Variants in HSD17B2 observed in about 807,000 individuals in gnomAD.
The protein encoded by HSD17B2 is hydroxysteroid 17-beta dehydrogenase 2, also known as 17-beta-hydroxysteroid dehydrogenase type 2.
A neutral mutation model predicts 26.9 loss-of-function variants in HSD17B2; 32 were observed. The ratio of observed to expected loss-of-function variants is 1.19; its 90% CI spans 0.90 to 1.60. The LOEUF is 1.60. HSD17B2 is among the 40% of genes most tolerant of loss of function. The pLI, the probability that HSD17B2 is intolerant of heterozygous loss-of-function variation, is 0.00. For missense variants in HSD17B2, 613 were observed against 468.6 expected (o/e 1.31, Z -2.85); for synonymous variants, 246 against 186.7 (o/e 1.32, Z -2.59).
At chr16:82,093,115 C>T (rs1392895949) in intron 4 of HSD17B2, 1 of 152,112 alleles carries the variant, frequency 6.6e-6, no homozygotes, top group African/African-American at 2.4e-5. Context: ...GCATTATACG[C>T]ACAGGGTTCA....
rs536903751 is a variant in HSD17B2 at position 82,066,216 on chromosome 16, G to A, written c.266-1954G>A. Among the ~76,000 whole-genome samples the A allele has an allele frequency of 2.0e-4, 31 of 152,332 alleles. 1 individual carries two copies. In the Middle Eastern group the frequency reaches 0.014, roughly 67 times the overall value. ...TTGGTACCATCTCCTCCTCTGGCCA[G>A]CCCCAGGGAGGAAACCACTTACACT... On this transcript the variant is annotated intron_variant, in intron 1 of 4. Transcript: ENST00000199936.
At chr16:82,077,729 T>C (rs1398401325) in intron 3 of HSD17B2, among the ~76,000 whole-genome samples, 2 of 144,938 alleles carry the variant, frequency 1.4e-5, no homozygotes, top group African/African-American at 5.1e-5. Context: ...AGACCCTGTT[T>C]CAAAAGAAAG....
At chr16:82,073,903 A>G (rs552704424) in intron 3 of HSD17B2, among the ~76,000 whole-genome samples, 1 of 152,340 alleles carries the variant, frequency 6.6e-6, no homozygotes, top group East Asian at 1.9e-4. Flanking sequence ...AGGCACCACT[A>G]ATCAAAAAGA....
rs565023060 is a variant in HSD17B2, at chr16:82,068,300, C to G, written c.396C>G (p.Leu132=). 9 of 1,614,154 alleles carry G rather than the reference C, an allele frequency of 5.6e-6. No homozygotes were observed. The Admixed American group carries it at 1.0e-4, about 18-fold the overall frequency. ...EELRRTCSPR[L]SVLQMDITKP... is the part of the protein sequence containing the mutation. ...TGCGAAGAACCTGCTCTCCGCGCCT[C>G]TCGGTGCTCCAAATGGACATCACGA... Residue 132 remains leucine (L), a synonymous_variant, in exon 2 of 5, where the codon CTC becomes CTG. Transcript: ENST00000199936.
intron 1 of HSD17B2, among the ~76,000 whole-genome samples, chr16:82,047,621 C>A (rs1292902325): frequency 6.6e-6 from 1 of 152,070 alleles, no homozygotes; most frequent in African/African-American, 2.4e-5. Flanking sequence ...GGGGTAGAGG[C>A]CATGAGTTGG....
intron 3 of HSD17B2, among the ~76,000 whole-genome samples, chr16:82,080,641 T>C (rs911033409): frequency 2.6e-5 from 4 of 152,230 alleles, no homozygotes; most frequent in African/African-American, 4.8e-5. Context: ...GGGAAAATAA[T>C]GTGTCTGGTT....
At chr16:82,097,228 GT>G (rs1413814634) in intron 4 of HSD17B2, 2 of 147,144 alleles carry the variant, frequency 1.4e-5, no homozygotes, top group Non-Finnish European at 3.0e-5. Context: ...CTATGTCTAT[GT>G]CTATGTCTAT....
intron 1 of HSD17B2, among the ~76,000 whole-genome samples, chr16:82,059,612 G>A (rs1567583472): frequency 6.6e-6 from 1 of 152,166 alleles, no homozygotes; most frequent in African/African-American, 2.4e-5. Flanking sequence ...TTTGTCTTCT[G>A]TGGGTGGGTG....
rs73603102 is a variant in HSD17B2 at position 82,081,704 on chromosome 16, G to C, written c.665-9198G>C. On this transcript the variant is annotated intron_variant, in intron 3 of 4. Coordinates refer to ENST00000199936, the MANE Select transcript of HSD17B2 (RefSeq NM_002153.3). ...GTAGTATGTCTTCCCTGAAGGTTAT[G>C]AGTTATTACTATTTTTATTAATGGA... 2.8e-3 allele frequency among the ~76,000 whole-genome samples: 431 copies of C among 152,294 alleles called. 1 individual carries two copies. The highest frequency in any genetic ancestry group is 0.01 in the African/African-American group (417 of 41,568).
chr16:82,090,421 C>G (rs550886198), intron 3 of HSD17B2, among the ~76,000 whole-genome samples: 1 of 140,100 alleles, frequency 7.1e-6, no homozygotes, highest in East Asian at 2.2e-4. Flanking sequence ...GGGGTCCAAG[C>G]GATTCTTACG....
chr16:82,069,978 A>C (rs1307938662), intron 2 of HSD17B2, among the ~76,000 whole-genome samples: 2 of 152,178 alleles, frequency 1.3e-5, no homozygotes, highest in African/African-American at 4.8e-5. Flanking sequence ...TGTGATGCTA[A>C]TGTTAGCGCA....
chr16:82,065,983 T>G lies in HSD17B2; in HGVS notation c.266-2187T>G, dbSNP rs143872596. On this transcript the variant is annotated intron_variant, in intron 1 of 4. Transcript: ENST00000199936. ...GAGCACACACAGCACTGGTCTGCAG[T>G]CTGGTGAACTTGCCAGTGTCCAGCA... Among the ~76,000 whole-genome samples the G allele has an allele frequency of 1.6e-3, 244 of 152,336 alleles. 2 individuals carry two copies. The highest frequency in any genetic ancestry group is 5.2e-3 in the African/African-American group (216 of 41,582).
At chr16:82,059,235 C>A (rs1258784643) in intron 1 of HSD17B2, among the ~76,000 whole-genome samples, 1 of 152,218 alleles carries the variant, frequency 6.6e-6, no homozygotes, top group Non-Finnish European at 1.5e-5. Flanking sequence ...CAGGGTTTCT[C>A]AGCCTTGGCA....
intron 1 of HSD17B2, among the ~76,000 whole-genome samples, chr16:82,036,523 C>G (rs8191058): frequency 0.034 from 5,232 of 152,048 alleles, 306 homozygotes; most frequent in African/African-American, 0.12. Flanking sequence ...GCTGTGGAAT[C>G]ATTTGGGGGA....
At chr16:82,097,208 ATGTCTATGTCTATGTCTATGTC>A (rs1904866027) in intron 4 of HSD17B2, 2 of 7,658 alleles carry the variant, frequency 2.6e-4, no homozygotes, top group Non-Finnish European at 5.9e-4. Context: ...TTCTGTGTAT[ATGTCTATGTCTATGTCTATGTC>A]TATGTCTATG....
intron 3 of HSD17B2, among the ~76,000 whole-genome samples, chr16:82,073,795 C>G (rs570112492): frequency 6.6e-6 from 1 of 152,086 alleles, no homozygotes; most frequent in Non-Finnish European, 1.5e-5. Context: ...TTTATAGATT[C>G]GATGCTATTC....
Position 82,093,848 on chromosome 16 carries a change from A to C in HSD17B2, c.802+2809A>C, listed in dbSNP as rs1037559227. Reference sequence around the variant, plus strand: ...ATTCTAGACAAGGAGTGGATTATTCATGAGTTTTCTGGGAAAGTGGGAGGG... The same window carrying C: ...ATTCTAGACAAGGAGTGGATTATTCCTGAGTTTTCTGGGAAAGTGGGAGGG... On this transcript the variant is annotated intron_variant, in intron 4 of 4. Transcript: ENST00000199936. The C allele has an allele frequency of 3.3e-5, 5 of 152,244 alleles. No homozygotes were observed. The South Asian group carries it at 8.3e-4, about 25-fold the overall frequency. 9.4% of individuals were successfully genotyped at this position (152,244 alleles called of 1,614,324 possible).
intron 1 of HSD17B2, among the ~76,000 whole-genome samples, chr16:82,054,236 A>G (rs1914197784): frequency 6.6e-6 from 1 of 152,140 alleles, no homozygotes; most frequent in African/African-American, 2.4e-5. Context: ...AAAAAAAGAA[A>G]GAAAAGCCAT....
intron 1 of HSD17B2, among the ~76,000 whole-genome samples, chr16:82,041,004 T>TTTTACC (rs1312274759): frequency 2.0e-5 from 3 of 152,020 alleles, no homozygotes; most frequent in African/African-American, 7.3e-5. Context: ...GCGGTTTAAG[T>TTTTACC]TTTACCTTTA....
Sources: allele counts gnomAD v4.1 joint callset (sites outside exome capture counted in the v4.1 genomes callset), GRCh38; gene constraint gnomAD v4.1.1; transcripts MANE v1.5; gene names NCBI Gene and HGNC (gene_info 2026-07-23, HGNC 2026-07-21).